Variants in GRIK4 observed in about 807,000 individuals in gnomAD.
The protein encoded by GRIK4 is glutamate ionotropic receptor kainate type subunit 4.
In GRIK4, 40 loss-of-function variants were observed where a neutral mutation model predicts 104.9. That is an observed-to-expected ratio of 0.38 (90% confidence interval 0.30 to 0.50). The LOEUF is 0.50. Among genes scored for constraint, GRIK4 ranks in the 20% least tolerant of loss-of-function variants. The pLI, the probability that GRIK4 is intolerant of heterozygous loss-of-function variation, is 0.93. For missense variants in GRIK4, 1,047 were observed against 1,308.1 expected, an observed-to-expected ratio of 0.80 and a Z score of 3.08; for synonymous variants, 485 against 524.9, an observed-to-expected ratio of 0.92 and a Z score of 1.04.
At chr11:120,636,908 C>T (rs902496310) in intron 1 of GRIK4, among the ~76,000 whole-genome samples, 1 of 152,138 alleles carries the variant, frequency 6.6e-6, no homozygotes, top group East Asian at 1.9e-4. Flanking sequence ...CCTGATGTCC[C>T]TGAGAATGGG....
At chr11:120,982,044 T>C in intron 19 of GRIK4, 62 bp from the exon 20 acceptor site, 2 of 1,107,872 alleles carry the variant, frequency 1.8e-6, no homozygotes, top group Non-Finnish European at 2.8e-6. Context: ...GTATTTTTGA[T>C]AAAATGATTG....
chr11:120,779,223 G>T (rs536787506), intron 3 of GRIK4, among the ~76,000 whole-genome samples: 38 of 152,278 alleles, frequency 2.5e-4, no homozygotes, highest in African/African-American at 7.7e-4. Context: ...AAGGTAGTCC[G>T]CAGGCCTTCT....
chr11:120,742,517 A>ATTTTT (rs1157051470), intron 3 of GRIK4, among the ~76,000 whole-genome samples: 2 of 65,808 alleles, frequency 3.0e-5, no homozygotes, highest in African/African-American at 1.2e-4. Flanking sequence ...TATTATTATT[A>ATTTTT]TTATTATTAT....
In GRIK4 at chr11:120,952,289, T is replaced by G. The variant is rs571454280; in HGVS notation, c.1591-566T>G. Among the ~76,000 whole-genome samples the G allele has an allele frequency of 6.6e-6, 1 of 152,332 alleles. No homozygotes were observed. Among genetic ancestry groups the G allele is most frequent in the African/African-American group, 2.4e-5 (1 of 41,568 alleles). ...GTGGAACCTCGGGCACATCTCTGACTGCCCTCGGCTTTGGCTTCTTCACTT... is the reference window on the plus strand; with the variant it reads ...GTGGAACCTCGGGCACATCTCTGACGGCCCTCGGCTTTGGCTTCTTCACTT... On this transcript the variant is annotated intron_variant, in intron 14 of 20. Transcript: ENST00000527524. This position sits in a 1 kb window ranked among gnomAD's most constrained non-coding sequence, Gnocchi z 5.2.
intron 1 of GRIK4, among the ~76,000 whole-genome samples, chr11:120,613,567 A>C (rs570243344): frequency 2.6e-5 from 4 of 152,252 alleles, no homozygotes; most frequent in Non-Finnish European, 5.9e-5. Context: ...GCGTGTGTGC[A>C]TGTGTACACA....
At chr11:120,715,845 C>T (rs1950822103) in intron 3 of GRIK4, among the ~76,000 whole-genome samples, 1 of 152,110 alleles carries the variant, frequency 6.6e-6, no homozygotes, top group Non-Finnish European at 1.5e-5. Flanking sequence ...TAGGACGCAG[C>T]CTCCTCTGGG....
chr11:120,552,949 A>C (rs1948153759), intron 1 of GRIK4, among the ~76,000 whole-genome samples: 1 of 151,836 alleles, frequency 6.6e-6, no homozygotes, highest in Non-Finnish European at 1.5e-5. Context: ...GCAGTGAGCC[A>C]AGATCATGCC....
At chr11:120,565,828 G>T (rs977770341) in intron 1 of GRIK4, among the ~76,000 whole-genome samples, 8 of 152,182 alleles carry the variant, frequency 5.3e-5, no homozygotes, top group African/African-American at 1.9e-4. Flanking sequence ...CTAATAGCAC[G>T]TTAGTTGCCA....
intron 1 of GRIK4, among the ~76,000 whole-genome samples, chr11:120,651,819 G>T (rs1949622989): frequency 6.6e-6 from 1 of 152,212 alleles, no homozygotes; most frequent in South Asian, 2.1e-4. Flanking sequence ...GCATTCTTCT[G>T]TTGCTGGCCC....
chr11:120,956,019 C>T lies in GRIK4; in HGVS notation c.1701-761C>T, dbSNP rs1275134384. Among the ~76,000 whole-genome samples, 1 of 152,052 alleles carries T rather than the reference C, an allele frequency of 6.6e-6. No homozygotes were observed. Among genetic ancestry groups the T allele is most frequent in the Non-Finnish European group, 1.5e-5 (1 of 68,000 alleles). ...GGCCCAGCCATCTGTGTCAGCACACCGGCTTGGTGGTTCTGAGGTAGGCTA... is the reference window on the plus strand; with the variant it reads ...GGCCCAGCCATCTGTGTCAGCACACTGGCTTGGTGGTTCTGAGGTAGGCTA... On this transcript the variant is annotated intron_variant, in intron 15 of 20. Coordinates refer to ENST00000527524, the MANE Select transcript of GRIK4 (RefSeq NM_014619.5). This position sits in a 1 kb window ranked among gnomAD's most constrained non-coding sequence, Gnocchi z 4.6.
At chr11:120,536,367 G>C (rs1947974812) in intron 1 of GRIK4, among the ~76,000 whole-genome samples, 1 of 152,102 alleles carries the variant, frequency 6.6e-6, no homozygotes, top group African/African-American at 2.4e-5. Context: ...TTAGCTGGGG[G>C]GTGTCTTAAT....
chr11:120,690,606 C>T (rs1388200112), intron 3 of GRIK4, among the ~76,000 whole-genome samples: 1 of 152,234 alleles, frequency 6.6e-6, no homozygotes, highest in Admixed American at 6.5e-5. Flanking sequence ...GTTGAACCTG[C>T]AGAGTGAGAA....
chr11:120,796,554 G>C (rs1452781100), intron 3 of GRIK4, among the ~76,000 whole-genome samples: 2 of 152,114 alleles, frequency 1.3e-5, no homozygotes, highest in Non-Finnish European at 2.9e-5. Context: ...GGGTCAGAGA[G>C]GGCTTCCTGG....
intron 3 of GRIK4, among the ~76,000 whole-genome samples, chr11:120,772,358 T>C (rs1565343196): frequency 6.6e-6 from 1 of 152,242 alleles, no homozygotes. Flanking sequence ...AGTGAGGGCC[T>C]GTTTCATGCA....
rs537241043 is a variant in GRIK4, at chr11:120,988,453, C to T, written c.*2193C>T. 1 of 152,246 alleles carries T rather than the reference C, an allele frequency of 6.6e-6. No homozygotes were observed. Among genetic ancestry groups the T allele is most frequent in the African/African-American group, 2.4e-5 (1 of 41,544 alleles). The allele number at this position is 152,246 out of a possible 1,614,324, so 9.4% of individuals were successfully genotyped here. A position where few individuals can be genotyped will look rare whatever the true frequency, so the allele number is the denominator to read the frequency against. ...AAAAAAACTCGTTTTTATGAGCAGG[C>T]TATCTTGATCAATAGCAAACTTTTT... On this transcript the variant is annotated 3_prime_UTR_variant, in exon 21 of 21. Coordinates refer to ENST00000527524, the MANE Select transcript of GRIK4 (RefSeq NM_014619.5).
intron 3 of GRIK4, among the ~76,000 whole-genome samples, chr11:120,789,251 C>T (rs540768901): frequency 5.3e-5 from 8 of 152,278 alleles, no homozygotes; most frequent in African/African-American, 1.4e-4. Flanking sequence ...ATAAATACTA[C>T]ACCAAAATCA....
At chr11:120,838,269 G>C (rs1953626784) in intron 8 of GRIK4, among the ~76,000 whole-genome samples, 1 of 152,126 alleles carries the variant, frequency 6.6e-6, no homozygotes, top group Admixed American at 6.5e-5. Flanking sequence ...GTGACTCTCT[G>C]AACCACAGTT....
At chr11:120,745,266 G>A (rs1405667727) in intron 3 of GRIK4, among the ~76,000 whole-genome samples, 2 of 152,194 alleles carry the variant, frequency 1.3e-5, no homozygotes, top group African/African-American at 2.4e-5. Flanking sequence ...TCTCTCGCCT[G>A]CCAAGTTAAC....
intron 14 of GRIK4, among the ~76,000 whole-genome samples, chr11:120,950,849 C>T (rs762363985): frequency 1.3e-5 from 2 of 152,144 alleles, no homozygotes; most frequent in Non-Finnish European, 2.9e-5. Context: ...TATGTAATGA[C>T]GGGATGAGCC....
Sources: gnomAD v4.1 joint callset for allele counts (sites outside exome capture counted in the v4.1 genomes callset) on GRCh38, gnomAD v4.1.1 for gene constraint, Gnocchi (gnomAD v3.1) non-coding constraint, MANE v1.5 for transcripts, NCBI Gene and HGNC (gene_info 2026-07-23, HGNC 2026-07-21) for gene names.